DHRSX: variants seen among roughly 807,000 people sequenced by gnomAD.
The protein encoded by DHRSX is dehydrogenase/reductase X-linked.
DHRSX carries 31 observed loss-of-function variants against 34.0 expected under a neutral mutation model. The observed-to-expected ratio is 0.91, with a 90% CI of 0.69 to 1.23. The LOEUF (loss-of-function observed/expected upper bound fraction) is 1.23, where lower values mean the gene tolerates loss of function less well. Ranked by LOEUF, DHRSX falls within the 50% of genes most tolerant of loss-of-function variation. DHRSX has a pLI of 0.00. For missense variants in DHRSX, 414 were observed against 428.1 expected (o/e 0.97, Z 0.29); for synonymous variants, 201 against 183.8 (o/e 1.09, Z -0.76).
At position 2,237,378 on chromosome X, in the gene DHRSX, G is replaced by A. The variant is rs1405785784; in HGVS notation, c.804+5645C>T. Among the ~76,000 whole-genome samples, 6 of 152,130 alleles carry A rather than the reference G, an allele frequency of 3.9e-5. No individual in the cohort carries two copies. The South Asian group carries it at 6.2e-4, about 16-fold the overall frequency. On this transcript the variant is annotated intron_variant, in intron 6 of 6. Transcript: ENST00000334651. ...TGGTCTACTTCATGGTGAAGTGGGCGCAGTCTACACTGCAAATTTGTTCAT... is the reference window on the plus strand; with the variant it reads ...TGGTCTACTTCATGGTGAAGTGGGCACAGTCTACACTGCAAATTTGTTCAT...
At position 2,284,415 on chromosome X, in the gene DHRSX, AAT is replaced by A. The variant is rs1483162682; in HGVS notation, c.388+7085_388+7086del. Among the ~76,000 whole-genome samples the A allele has an allele frequency of 1.3e-3, 204 of 152,164 alleles. 1 individual carries two copies. Among genetic ancestry groups the A allele is most frequent in the African/African-American group, 4.6e-3 (193 of 41,548 alleles). On this transcript the variant is annotated intron_variant, in intron 4 of 6. Coordinates refer to ENST00000334651, the MANE Select transcript of DHRSX (RefSeq NM_145177.3). ...GTGAATGAATGAATTTGAATGAATGAATGAATGAATGAATGAATGGGTGAATG... is the reference window on the plus strand; with the variant it reads ...GTGAATGAATGAATTTGAATGAATGAGAATGAATGAATGAATGGGTGAATG...
intron 3 of DHRSX, among the ~76,000 whole-genome samples, chrX:2,303,625 G>A (rs1239281261): frequency 6.6e-6 from 1 of 152,048 alleles, no homozygotes; most frequent in Non-Finnish European, 1.5e-5. Flanking sequence ...TCCAATCTCA[G>A]GTACTTCTTT....
chrX:2,327,725 A>ACCTC (rs1336292004), intron 3 of DHRSX, among the ~76,000 whole-genome samples: 3 of 152,178 alleles, frequency 2.0e-5, no homozygotes, highest in South Asian at 2.1e-4. Context: ...TAAAGAGGTG[A>ACCTC]TTAAGGTAAA....
intron 2 of DHRSX, among the ~76,000 whole-genome samples, chrX:2,420,281 G>A (rs1366329990): frequency 6.6e-6 from 1 of 151,978 alleles, no homozygotes; most frequent in African/African-American, 2.4e-5. Context: ...GCTGGCACGC[G>A]CCTGTAATCC....
chrX:2,480,283 C>G (rs2044749227), intron 1 of DHRSX, among the ~76,000 whole-genome samples: 1 of 150,600 alleles, frequency 6.6e-6, no homozygotes, highest in South Asian at 2.1e-4. Context: ...AATACTGTAT[C>G]ATCTCGTATG....
chrX:2,392,851 T>G lies in DHRSX; in HGVS notation c.286+15894A>C, dbSNP rs185709451. 5.9e-3 allele frequency among the ~76,000 whole-genome samples: 831 copies of G among 141,146 alleles called. 4 individuals are homozygous for G. Among genetic ancestry groups the G allele is most frequent in the South Asian group, 9.0e-3 (40 of 4,452 alleles). The allele number at this position is 141,146 out of a possible 152,430, so 92.6% of individuals were successfully genotyped here. On this transcript the variant is annotated intron_variant, in intron 3 of 6. Coordinates refer to ENST00000334651, the MANE Select transcript of DHRSX (RefSeq NM_145177.3). ...TATAATTTATAGTTATCATTATATA[T>G]TTATGTAATATATATTTTATATATA... is the stretch of plus-strand genomic sequence containing the variant.
chrX:2,292,106 A>G (rs1478219252), intron 3 of DHRSX, among the ~76,000 whole-genome samples: 4 of 152,082 alleles, frequency 2.6e-5, no homozygotes, highest in African/African-American at 4.8e-5. Flanking sequence ...AGGGAGATCA[A>G]TGAGTCCCAT....
At chrX:2,253,983 C>T (rs2016502449) in intron 5 of DHRSX, among the ~76,000 whole-genome samples, 1 of 152,074 alleles carries the variant, frequency 6.6e-6, no homozygotes. Flanking sequence ...ATGGCGTGAA[C>T]CCGGAAGGCG....
chrX:2,460,055 C>G (rs1269451495), intron 1 of DHRSX, among the ~76,000 whole-genome samples: 2 of 152,040 alleles, frequency 1.3e-5, no homozygotes, highest in Non-Finnish European at 2.9e-5. Flanking sequence ...TTGCAGTGAG[C>G]CGAGATCATG....
In DHRSX at chrX:2,382,567, TCATCATCACCATCACCATCATCATCAC is replaced by T. The variant is rs1569495696; in HGVS notation, c.286+26151_286+26177del. On this transcript the variant is annotated intron_variant, in intron 3 of 6. Transcript: ENST00000334651. ...ATCATCATCATCACCATCACCATCA[TCATCATCACCATCACCATCATCATCAC>T]CATCATCACCATCACCATCATCACC... Among the ~76,000 whole-genome samples, 2 of 70,748 alleles carry T rather than the reference TCATCATCACCATCACCATCATCATCAC, an allele frequency of 2.8e-5. 1 individual carries two copies. Among genetic ancestry groups the T allele is most frequent in the Non-Finnish European group, 6.0e-5 (2 of 33,418 alleles). 46.4% of individuals were successfully genotyped at this position (70,748 alleles called of 152,430 possible). A position where few individuals can be genotyped will look rare whatever the true frequency, so the allele number is the denominator to read the frequency against.
intron 3 of DHRSX, among the ~76,000 whole-genome samples, chrX:2,372,671 C>T (rs1369263360): frequency 6.6e-6 from 1 of 151,330 alleles, no homozygotes; most frequent in Non-Finnish European, 1.5e-5. Flanking sequence ...TGCAATGGCG[C>T]AACCTCGGCT....
intron 3 of DHRSX, among the ~76,000 whole-genome samples, chrX:2,401,462 A>G (rs1279882942): frequency 6.6e-6 from 1 of 152,192 alleles, no homozygotes; most frequent in Non-Finnish European, 1.5e-5. Context: ...TTACACAATC[A>G]TTATAGAAAA....
chrX:2,405,511 C>G (rs188099361), intron 3 of DHRSX, among the ~76,000 whole-genome samples: 2 of 149,848 alleles, frequency 1.3e-5, no homozygotes, highest in Non-Finnish European at 3.0e-5. Flanking sequence ...TAATCGTCAT[C>G]ATCATCAAAA....
intron 3 of DHRSX, among the ~76,000 whole-genome samples, chrX:2,308,861 G>A (rs2042131334): frequency 6.7e-6 from 1 of 150,254 alleles, no homozygotes; most frequent in Admixed American, 6.7e-5. Context: ...GGAAGAAAGG[G>A]AAGGAGGAAA....
chrX:2,344,793 C>T (rs2042680375), intron 3 of DHRSX, among the ~76,000 whole-genome samples: 1 of 149,154 alleles, frequency 6.7e-6, no homozygotes, highest in Non-Finnish European at 1.5e-5. Flanking sequence ...CAGCAACCCA[C>T]CATGGCACAT....
At chrX:2,282,695 A>AGAGGGAGAGAGGGAAG (rs2041729932) in intron 4 of DHRSX, among the ~76,000 whole-genome samples, 1 of 135,400 alleles carries the variant, frequency 7.4e-6, no homozygotes, top group Non-Finnish European at 1.6e-5. Context: ...GAGGGGAGAA[A>AGAGGGAGAGAGGGAAG]GAGGGAGAGA....
At chrX:2,444,729 T>C in intron 1 of DHRSX, among the ~76,000 whole-genome samples, 1 of 151,900 alleles carries the variant, frequency 6.6e-6, no homozygotes, top group South Asian at 2.1e-4. Flanking sequence ...CCAGCTATCA[T>C]GAGGCTGAGG....
At chrX:2,434,964 G>C (rs1315206788) in intron 1 of DHRSX, among the ~76,000 whole-genome samples, 2 of 152,150 alleles carry the variant, frequency 1.3e-5, no homozygotes, top group African/African-American at 4.8e-5. Context: ...ATTTGAAAGG[G>C]GTTACACTCT....
intron 3 of DHRSX, among the ~76,000 whole-genome samples, chrX:2,400,225 T>C (rs1246047040): frequency 1.3e-5 from 2 of 152,136 alleles, no homozygotes; most frequent in Non-Finnish European, 2.9e-5. Context: ...TAAAATCATG[T>C]CACAAGAATT....
Sources: gnomAD v4.1 joint callset for allele counts (sites outside exome capture counted in the v4.1 genomes callset) on GRCh38, gnomAD v4.1.1 for gene constraint, MANE v1.5 for transcripts, NCBI Gene and HGNC (gene_info 2026-07-23, HGNC 2026-07-21) for gene names.